SMOC1: variants seen among roughly 807,000 people sequenced by gnomAD.
SMOC1 encodes the protein SPARC related modular calcium binding 1.
A neutral mutation model predicts 56.3 loss-of-function variants in SMOC1; 22 were observed. The ratio of observed to expected loss-of-function variants is 0.39; its 90% CI spans 0.28 to 0.56. The LOEUF (loss-of-function observed/expected upper bound fraction) is 0.56, where lower values mean the gene tolerates loss of function less well. Among genes scored for constraint, SMOC1 ranks in the 20% least tolerant of loss-of-function variants. SMOC1 has a pLI of 0.61. For synonymous variants in SMOC1, 193 were observed against 215.0 expected, an observed-to-expected ratio of 0.90 and a Z score of 0.89; for missense variants, 509 against 565.4, an observed-to-expected ratio of 0.90 and a Z score of 1.01.
In SMOC1 at chr14:69,927,894, G is replaced by A. The variant is rs578094789; in HGVS notation, c.100-24244G>A. Reference sequence around the variant, plus strand: ...CACCTCCTCCAGGGGTAATGGATCCGAGTTCCTTTGTGTCCTGTAACTTGA... The same window carrying A: ...CACCTCCTCCAGGGGTAATGGATCCAAGTTCCTTTGTGTCCTGTAACTTGA... On this transcript the variant is annotated intron_variant, in intron 1 of 11. Coordinates refer to ENST00000361956, the MANE Select transcript of SMOC1 (RefSeq NM_001034852.3). Among the ~76,000 whole-genome samples the A allele has an allele frequency of 1.4e-4, 21 of 152,212 alleles. No individual in the cohort carries two copies. The East Asian group carries it at 1.9e-3, about 14-fold the overall frequency.
At chr14:69,925,452 CT>C (rs1476573131) in intron 1 of SMOC1, among the ~76,000 whole-genome samples, 2 of 152,046 alleles carry the variant, frequency 1.3e-5, no homozygotes, top group African/African-American at 4.8e-5. Context: ...ACCTCCTCCC[CT>C]AGAGTCTCTT....
chr14:69,884,345 C>T (rs776191329), intron 1 of SMOC1, among the ~76,000 whole-genome samples: 2 of 152,078 alleles, frequency 1.3e-5, no homozygotes, highest in Non-Finnish European at 2.9e-5. Flanking sequence ...GTGTACTTTG[C>T]ATATTAACTC....
At chr14:70,000,028 G>T (rs912685899) in intron 7 of SMOC1, among the ~76,000 whole-genome samples, 2 of 152,162 alleles carry the variant, frequency 1.3e-5, no homozygotes, top group Non-Finnish European at 2.9e-5. Flanking sequence ...GGCCTCTGCT[G>T]CTAAGACACT....
intron 7 of SMOC1, among the ~76,000 whole-genome samples, chr14:70,000,130 T>C (rs944785334): frequency 7.2e-5 from 11 of 152,236 alleles, no homozygotes; most frequent in African/African-American, 2.7e-4. Flanking sequence ...AGCATCCTTG[T>C]TCTGTGTTTA....
intron 1 of SMOC1, among the ~76,000 whole-genome samples, chr14:69,880,295 A>G (rs1883601771): frequency 6.6e-6 from 1 of 152,172 alleles, no homozygotes; most frequent in Non-Finnish European, 1.5e-5. Context: ...CCCACAGCAG[A>G]TAATTTTAAT....
At chr14:69,935,909 T>A (rs1301548948) in intron 1 of SMOC1, among the ~76,000 whole-genome samples, 1 of 152,192 alleles carries the variant, frequency 6.6e-6, no homozygotes, top group Non-Finnish European at 1.5e-5. Flanking sequence ...ATGGAATGAA[T>A]GAATGTGGCA....
chr14:70,011,352 G>A (rs895837893), intron 8 of SMOC1, 133 bp from the exon 9 acceptor site: 52 of 833,174 alleles, frequency 6.2e-5, no homozygotes, highest in South Asian at 2.3e-4. Context: ...GCCGGGCAGC[G>A]CAAGAGATAT....
intron 1 of SMOC1, among the ~76,000 whole-genome samples, chr14:69,924,142 T>C (rs2139374877): frequency 6.6e-6 from 1 of 152,286 alleles, no homozygotes; most frequent in Non-Finnish European, 1.5e-5. Flanking sequence ...CTTTCCTGTC[T>C]CAGCAAATGG....
chr14:69,965,404 T>TAATAATAATAATAA (rs761154559), intron 3 of SMOC1, among the ~76,000 whole-genome samples: 1 of 149,400 alleles, frequency 6.7e-6, no homozygotes, highest in Non-Finnish European at 1.5e-5. Flanking sequence ...ATAATAATAA[T>TAATAATAATAATAA]AAAAAGATGA....
chr14:70,010,968 C>T (rs2139587277), intron 8 of SMOC1, 22 bp downstream of exon 8: 2 of 1,611,562 alleles, frequency 1.2e-6, no homozygotes, highest in African/African-American at 2.7e-5. Flanking sequence ...AGACTGGGTC[C>T]TGGGAAAAAC....
chr14:69,993,809 A>G (rs767568214), intron 6 of SMOC1, among the ~76,000 whole-genome samples: 8 of 152,190 alleles, frequency 5.3e-5, no homozygotes, highest in Non-Finnish European at 7.3e-5. Flanking sequence ...GTCACTCCAC[A>G]GTATGCTCAG....
rs1555363064 is a variant in SMOC1, at chr14:69,988,318, C to A, written c.527-4099C>A. 4.7e-5 allele frequency among the ~76,000 whole-genome samples: 7 copies of A among 148,854 alleles called. No homozygotes were observed. In the South Asian group the frequency reaches 1.3e-3, roughly 27 times the overall value. Reference sequence around the variant, plus strand: ...TTTTTTTTCAGTGTTTATCCTCTTCCTTTTAATATGGAAGATTATTATAGT... The same window carrying A: ...TTTTTTTTCAGTGTTTATCCTCTTCATTTTAATATGGAAGATTATTATAGT... On this transcript the variant is annotated intron_variant, in intron 5 of 11. Coordinates refer to ENST00000361956, the MANE Select transcript of SMOC1 (RefSeq NM_001034852.3).
At chr14:69,981,383 T>C (rs576178619) in intron 5 of SMOC1, among the ~76,000 whole-genome samples, 1 of 152,294 alleles carries the variant, frequency 6.6e-6, no homozygotes, top group African/African-American at 2.4e-5. Context: ...TATGGGCACA[T>C]GTGTGGTAAT....
In SMOC1 at chr14:70,023,655, A is replaced by C. The variant is rs61977406; in HGVS notation, c.1291+208A>C. 0.17 allele frequency among the ~76,000 whole-genome samples: 25,572 copies of C among 152,198 alleles called. 2,281 individuals carry two copies. The highest frequency in any genetic ancestry group is 0.21 in the Middle Eastern group (63 of 294). On this transcript the variant is annotated intron_variant, in intron 11 of 11. Coordinates refer to ENST00000361956, the MANE Select transcript of SMOC1 (RefSeq NM_001034852.3). ...TCCTTGCACAGAAGACAGAGCTTAA[A>C]TAAGCACTCACATGAGCTGTGATAC...
intron 5 of SMOC1, among the ~76,000 whole-genome samples, chr14:69,990,937 G>C (rs969410059): frequency 2.0e-5 from 3 of 152,156 alleles, no homozygotes; most frequent in Non-Finnish European, 4.4e-5. Flanking sequence ...ACAAGGGTTA[G>C]AGTCTCCATA....
chr14:70,004,906 C>A (rs376988286), intron 7 of SMOC1, among the ~76,000 whole-genome samples: 1 of 152,210 alleles, frequency 6.6e-6, no homozygotes, highest in Non-Finnish European at 1.5e-5. Context: ...CCCGTCTCCC[C>A]CTTTGACCTC....
intron 3 of SMOC1, among the ~76,000 whole-genome samples, chr14:69,965,822 A>G (rs981952629): frequency 6.6e-6 from 1 of 152,208 alleles, no homozygotes; most frequent in African/African-American, 2.4e-5. Flanking sequence ...TTACTCAGGA[A>G]ACTTTCAGGC....
intron 1 of SMOC1, among the ~76,000 whole-genome samples, chr14:69,910,213 C>T (rs61980623): frequency 0.034 from 5,156 of 152,260 alleles, 114 homozygotes; most frequent in Non-Finnish European, 0.05. Flanking sequence ...CAAAAGGAAC[C>T]GATTTTCATT....
intron 1 of SMOC1, among the ~76,000 whole-genome samples, chr14:69,943,364 A>C (rs1237531653): frequency 6.6e-6 from 1 of 152,060 alleles, no homozygotes; most frequent in Non-Finnish European, 1.5e-5. Context: ...CCTTCTTTGC[A>C]CCTGTGTAAA....
Sources: allele counts gnomAD v4.1 joint callset (sites outside exome capture counted in the v4.1 genomes callset), GRCh38; gene constraint gnomAD v4.1.1; transcripts MANE v1.5; gene names NCBI Gene and HGNC (gene_info 2026-07-23, HGNC 2026-07-21).